The following RABGAP1L variants were observed in gnomAD, a reference collection of about 807,000 sequenced individuals.
The protein encoded by RABGAP1L is rab GTPase-activating protein 1-like.
A neutral mutation model predicts 137.7 loss-of-function variants in RABGAP1L; 63 were observed. That is an observed-to-expected ratio of 0.46 (90% confidence interval 0.37 to 0.56). RABGAP1L has a LOEUF of 0.56. Among genes scored for constraint, RABGAP1L ranks in the 20% least tolerant of loss-of-function variants. The pLI, the probability that RABGAP1L is intolerant of heterozygous loss-of-function variation, is 0.00. For missense variants in RABGAP1L, 1,095 were observed against 1,244.0 expected (o/e 0.88, Z 1.80); for synonymous variants, 431 against 433.7 (o/e 0.99, Z 0.08).
At chr1:174,256,362 C>T (rs1448731409) in intron 7 of RABGAP1L, among the ~76,000 whole-genome samples, 1 of 152,090 alleles carries the variant, frequency 6.6e-6, no homozygotes, top group Non-Finnish European at 1.5e-5. Flanking sequence ...ACAGAGATAG[C>T]CATCTGTCCC....
intron 17 of RABGAP1L, among the ~76,000 whole-genome samples, chr1:174,747,459 C>T (rs1558041211): frequency 6.7e-6 from 1 of 148,940 alleles, no homozygotes; most frequent in Non-Finnish European, 1.5e-5. Context: ...TTCTGAATTC[C>T]ATCAACTCAA....
intron 12 of RABGAP1L, among the ~76,000 whole-genome samples, chr1:174,385,140 T>A (rs926169261): frequency 6.6e-6 from 1 of 152,216 alleles, no homozygotes; most frequent in African/African-American, 2.4e-5. Flanking sequence ...AGAATGCTAT[T>A]GTAAATAATC....
intron 19 of RABGAP1L, among the ~76,000 whole-genome samples, chr1:174,868,980 A>G (rs1200490884): frequency 1.3e-5 from 2 of 152,102 alleles, no homozygotes; most frequent in East Asian, 1.9e-4. Flanking sequence ...TCTCTCCTGG[A>G]CAAGGAAATA....
At chr1:174,371,586 CTG>C (rs1029310996) in intron 12 of RABGAP1L, among the ~76,000 whole-genome samples, 23 of 151,966 alleles carry the variant, frequency 1.5e-4, no homozygotes, top group African/African-American at 3.6e-4. Context: ...AAAAAGTACT[CTG>C]TTTATATTTA....
intron 11 of RABGAP1L, among the ~76,000 whole-genome samples, chr1:174,328,843 A>C (rs866466106): frequency 2.5e-4 from 38 of 152,174 alleles, no homozygotes; most frequent in African/African-American, 8.7e-4. Flanking sequence ...TAGCAAAAGC[A>C]GTCCTTAGAG....
At chr1:174,424,552 T>A (rs1008868627) in intron 13 of RABGAP1L, among the ~76,000 whole-genome samples, 3 of 152,060 alleles carry the variant, frequency 2.0e-5, no homozygotes, top group African/African-American at 7.2e-5. Flanking sequence ...AAAACAAAGT[T>A]TGGCAGCAGT....
At chr1:174,283,530 G>A (rs764386273) in intron 10 of RABGAP1L, among the ~76,000 whole-genome samples, 3 of 150,992 alleles carry the variant, frequency 2.0e-5, no homozygotes, top group Non-Finnish European at 3.0e-5. Flanking sequence ...TTTTTGAGAC[G>A]GAGTCTCAAC....
intron 19 of RABGAP1L, among the ~76,000 whole-genome samples, chr1:174,899,174 T>TA (rs1408467529): frequency 6.6e-6 from 1 of 151,848 alleles, no homozygotes. Context: ...AAAAAGAACT[T>TA]AAACTGCAGA....
intron 10 of RABGAP1L, among the ~76,000 whole-genome samples, chr1:174,301,676 A>C (rs1677722809): frequency 6.6e-6 from 1 of 152,082 alleles, no homozygotes; most frequent in Non-Finnish European, 1.5e-5. Flanking sequence ...CCCCTACCCA[A>C]AGTCAGGTGG....
At chr1:174,375,835 C>T (rs140960018) in intron 12 of RABGAP1L, among the ~76,000 whole-genome samples, 66 of 152,098 alleles carry the variant, frequency 4.3e-4, no homozygotes, top group African/African-American at 1.4e-3. Flanking sequence ...GAGGCTGAGG[C>T]GAGCCGATCA....
At chr1:174,531,104 G>T (rs1664363350) in intron 13 of RABGAP1L, among the ~76,000 whole-genome samples, 1 of 152,126 alleles carries the variant, frequency 6.6e-6, no homozygotes, top group Non-Finnish European at 1.5e-5. Context: ...TCACAAGGGA[G>T]TATATAGTAG....
At chr1:174,371,269 C>T (rs1020844102) in intron 12 of RABGAP1L, among the ~76,000 whole-genome samples, 197 bp downstream of exon 12, 5 of 151,862 alleles carry the variant, frequency 3.3e-5, no homozygotes, top group Non-Finnish European at 5.9e-5. Flanking sequence ...GTCTTCCCCC[C>T]AAGTATGGTT....
In RABGAP1L at chr1:174,374,572, T is replaced by C. The variant is rs568920941; in HGVS notation, c.1559+3500T>C. ...ACTAATTTTCTTTGGATAAGGTGTT[T>C]CTTCTTGTCCGTAATTTACTCCCAA... On this transcript the variant is annotated intron_variant, in intron 12 of 25. Transcript: ENST00000681986. Among the ~76,000 whole-genome samples the C allele has an allele frequency of 5.8e-4, 89 of 152,316 alleles. 2 individuals are homozygous for C. The South Asian group carries it at 0.018, about 31-fold the overall frequency.
At chr1:174,455,839 G>A (rs142541657) in intron 13 of RABGAP1L, among the ~76,000 whole-genome samples, 1 of 152,208 alleles carries the variant, frequency 6.6e-6, no homozygotes, top group East Asian at 1.9e-4. Context: ...AAAAGCTTCT[G>A]TGAGTAAACA....
rs139758452 is a variant in RABGAP1L at position 174,385,749 on chromosome 1, T to C, written c.1560-8246T>C. Among the ~76,000 whole-genome samples the C allele has an allele frequency of 5.1e-3, 775 of 152,300 alleles. 7 individuals carry two copies. Among genetic ancestry groups the C allele is most frequent in the African/African-American group, 0.017 (690 of 41,562 alleles). ...GAATGACACAGTAGTCAAGTGCTGA[T>C]AGGTGAAGTCTGATGAAGCCTAGAA... On this transcript the variant is annotated intron_variant, in intron 12 of 25. Transcript: ENST00000681986.
At chr1:174,339,014 A>T (rs556557518) in intron 11 of RABGAP1L, among the ~76,000 whole-genome samples, 24 of 152,270 alleles carry the variant, frequency 1.6e-4, no homozygotes, top group African/African-American at 5.3e-4. Flanking sequence ...TAATTCCTGA[A>T]AGTCTGTGAA....
chr1:174,720,740 T>G (rs1030239934), intron 17 of RABGAP1L, among the ~76,000 whole-genome samples: 2 of 152,132 alleles, frequency 1.3e-5, no homozygotes, highest in African/African-American at 4.8e-5. Flanking sequence ...GAAAGTAGAT[T>G]AGTTTCCTAG....
intron 21 of RABGAP1L, among the ~76,000 whole-genome samples, chr1:174,972,086 T>TTCTC (rs1423573608): frequency 1.3e-5 from 2 of 152,172 alleles, no homozygotes; most frequent in African/African-American, 4.8e-5. Flanking sequence ...TCTCAGTGAT[T>TTCTC]AGAAGTGAAA....
chr1:174,371,648 T>C (rs1255337911), intron 12 of RABGAP1L, among the ~76,000 whole-genome samples: 5 of 152,136 alleles, frequency 3.3e-5, no homozygotes, highest in Non-Finnish European at 5.9e-5. Context: ...AAATGGTAAT[T>C]ATGACTATCA....
Sources: gnomAD v4.1 joint callset for allele counts (sites outside exome capture counted in the v4.1 genomes callset) on GRCh38, gnomAD v4.1.1 for gene constraint, MANE v1.5 for transcripts, NCBI Gene and HGNC (gene_info 2026-07-23, HGNC 2026-07-21) for gene names.